HECW2: variants seen among roughly 807,000 people sequenced by gnomAD.
HECW2 encodes the protein E3 ubiquitin-protein ligase HECW2.
A neutral mutation model predicts 175.2 loss-of-function variants in HECW2; 61 were observed. The ratio of observed to expected loss-of-function variants is 0.35; its 90% CI spans 0.28 to 0.43. The LOEUF (loss-of-function observed/expected upper bound fraction) is 0.43. Ranked by LOEUF, HECW2 falls within the 20% of genes least tolerant of loss-of-function variation. The probability of loss-of-function intolerance (pLI) is 1.00; values close to 1 mark genes in which losing one functional copy is unlikely to be tolerated. For missense variants in HECW2, 1,524 were observed against 2,000.5 expected (o/e 0.76, Z 4.54); for synonymous variants, 671 against 731.0 (o/e 0.92, Z 1.32).
At chr2:196,570,938 T>C (rs993777204) in intron 1 of HECW2, among the ~76,000 whole-genome samples, 7 of 152,190 alleles carry the variant, frequency 4.6e-5, no homozygotes, top group Admixed American at 1.3e-4. Context: ...GTGCAGGTAT[T>C]TGAGTTTGTT....
At chr2:196,461,502 A>C (rs1051438734) in intron 1 of HECW2, among the ~76,000 whole-genome samples, 6 of 152,232 alleles carry the variant, frequency 3.9e-5, no homozygotes, top group African/African-American at 1.4e-4. Context: ...TTTACTCCAG[A>C]GAAATGAAAA....
intron 2 of HECW2, among the ~76,000 whole-genome samples, chr2:196,347,214 A>G (rs534856907): frequency 1.4e-3 from 205 of 151,072 alleles, no homozygotes; most frequent in African/African-American, 4.7e-3. Flanking sequence ...CACCACGCCC[A>G]GCTAATTTTT....
At chr2:196,408,390 G>A (rs1362076761) in intron 2 of HECW2, among the ~76,000 whole-genome samples, 5 of 152,140 alleles carry the variant, frequency 3.3e-5, no homozygotes, top group Non-Finnish European at 5.9e-5. Flanking sequence ...TACAGCATAG[G>A]GGTGATGATC....
At chr2:196,516,985 C>G (rs1688174294) in intron 1 of HECW2, among the ~76,000 whole-genome samples, 1 of 152,172 alleles carries the variant, frequency 6.6e-6, no homozygotes, top group African/African-American at 2.4e-5. Flanking sequence ...CCAGCAGGCA[C>G]CAAATCTGTT....
chr2:196,577,242 C>T (rs994215451), intron 1 of HECW2, among the ~76,000 whole-genome samples: 11 of 152,014 alleles, frequency 7.2e-5, no homozygotes, highest in Non-Finnish European at 1.6e-4. Context: ...GCCTTCAAAA[C>T]CAGAAAAATA....
intron 1 of HECW2, among the ~76,000 whole-genome samples, chr2:196,590,297 CA>C (rs1053735295): frequency 5.3e-5 from 8 of 152,192 alleles, no homozygotes; most frequent in African/African-American, 1.7e-4. Flanking sequence ...TATCCTGATA[CA>C]AAAGGCATCC....
rs113314953 is a variant in HECW2 at position 196,539,478 on chromosome 2, C to G, written c.-36+54030G>C. ...AAACCCTGTCTCTACTAAAAAAATA[C>G]AAAAAAATTGGCCGGCTGTGGTGGC... On this transcript the variant is annotated intron_variant, in intron 1 of 28. Transcript: ENST00000644978. Among the ~76,000 whole-genome samples, 447 of 151,876 alleles carry G rather than the reference C, an allele frequency of 2.9e-3. 1 individual carries two copies. Among genetic ancestry groups the G allele is most frequent in the African/African-American group, 0.01 (422 of 41,432 alleles).
chr2:196,337,633 T>C (rs1252154895), intron 3 of HECW2, among the ~76,000 whole-genome samples: 4 of 151,628 alleles, frequency 2.6e-5, no homozygotes, highest in African/African-American at 9.7e-5. Flanking sequence ...CATATACTTA[T>C]ATGTATCCAA....
At chr2:196,426,944 T>C (rs1371482176) in intron 2 of HECW2, among the ~76,000 whole-genome samples, 1 of 152,216 alleles carries the variant, frequency 6.6e-6, no homozygotes, top group Non-Finnish European at 1.5e-5. Flanking sequence ...TATATTACCA[T>C]GATACTTTTT....
intron 1 of HECW2, among the ~76,000 whole-genome samples, chr2:196,495,813 G>A (rs1253920262): frequency 6.6e-6 from 1 of 152,156 alleles, no homozygotes; most frequent in Admixed American, 6.6e-5. Flanking sequence ...CAGGCAGCTG[G>A]CATCATATTT....
chr2:196,332,326 C>T (rs774274367), intron 4 of HECW2, among the ~76,000 whole-genome samples: 9 of 152,156 alleles, frequency 5.9e-5, no homozygotes, highest in African/African-American at 2.2e-4. Context: ...GACCATCATG[C>T]TATTATAGAA....
At chr2:196,327,174 A>T (rs1692186672) in intron 5 of HECW2, among the ~76,000 whole-genome samples, 1 of 152,212 alleles carries the variant, frequency 6.6e-6, no homozygotes, top group Non-Finnish European at 1.5e-5. Context: ...CACAAAAAAT[A>T]TTCCTTTGAA....
chr2:196,255,868 T>G (rs188667426), intron 18 of HECW2, among the ~76,000 whole-genome samples: 1 of 152,088 alleles, frequency 6.6e-6, no homozygotes. Flanking sequence ...AGCTCAGGAG[T>G]TCTTGTCCAG....
At chr2:196,420,987 C>T (rs1338367905) in intron 2 of HECW2, among the ~76,000 whole-genome samples, 1 of 152,040 alleles carries the variant, frequency 6.6e-6, no homozygotes, top group South Asian at 2.1e-4. Flanking sequence ...GTTTGAGGCA[C>T]TGAAAGATCC....
intron 10 of HECW2, among the ~76,000 whole-genome samples, chr2:196,310,768 T>TTGTGTGTGTGTGTGTGTC (rs1691465461): frequency 1.3e-5 from 2 of 148,216 alleles, no homozygotes; most frequent in Admixed American, 1.3e-4. Context: ...AGCAACGATT[T>TTGTGTGTGTGTGTGTGTC]TGTGTGTGTG....
intron 1 of HECW2, among the ~76,000 whole-genome samples, chr2:196,567,818 C>T (rs1156917851): frequency 1.3e-5 from 2 of 152,126 alleles, no homozygotes; most frequent in Non-Finnish European, 2.9e-5. Flanking sequence ...TAATTTCATT[C>T]CTCCCTAATG....
intron 2 of HECW2, among the ~76,000 whole-genome samples, chr2:196,394,799 T>C (rs906784026): frequency 2.0e-5 from 3 of 152,190 alleles, no homozygotes; most frequent in African/African-American, 7.2e-5. Context: ...TTTCCAGATG[T>C]GAAAGAATGA....
chr2:196,460,224 C>T (rs1195810788), intron 1 of HECW2, among the ~76,000 whole-genome samples: 2 of 152,178 alleles, frequency 1.3e-5, no homozygotes, highest in Admixed American at 6.5e-5. Context: ...ATTAGAGCCA[C>T]TAACAGTTTA....
chr2:196,252,056 G>A (rs1688874193), intron 19 of HECW2, among the ~76,000 whole-genome samples: 1 of 151,730 alleles, frequency 6.6e-6, no homozygotes, highest in Non-Finnish European at 1.5e-5. Context: ...AAAATTTGCT[G>A]GGCATGGTGG....
Sources: gnomAD v4.1 joint callset for allele counts (sites outside exome capture counted in the v4.1 genomes callset) on GRCh38, gnomAD v4.1.1 for gene constraint, MANE v1.5 for transcripts, NCBI Gene and HGNC (gene_info 2026-07-23, HGNC 2026-07-21) for gene names.